The following SMAD9 variants were observed in gnomAD, a reference collection of about 807,000 sequenced individuals.
The protein encoded by SMAD9 is SMAD family member 9.
Under a neutral mutation model 46.1 loss-of-function variants are expected in SMAD9, and 36 were observed. The ratio of observed to expected loss-of-function variants is 0.78; its 90% confidence interval spans 0.60 to 1.03. The LOEUF (loss-of-function observed/expected upper bound fraction) is 1.03. SMAD9 is among the 50% of genes least tolerant of loss of function. The pLI is 0.00. For missense variants in SMAD9, 572 were observed against 599.8 expected (o/e 0.95, Z 0.48); for synonymous variants, 245 against 237.1 (o/e 1.03, Z -0.31).
Position 36,920,184 on chromosome 13 carries a change from AGCAGCGGCGGCGGCG to A in SMAD9, c.-270_-256del, listed in dbSNP as rs1208932867. ...CGGCGGGGACCGAGACAGCGGCTGCAGCAGCGGCGGCGGCGGCGGCGGCGGCGGCGGCCCCAGCCG... is the reference window on the plus strand; with the variant it reads ...CGGCGGGGACCGAGACAGCGGCTGCAGCGGCGGCGGCGGCGGCCCCAGCCG... On this transcript the variant is annotated 5_prime_UTR_variant, in exon 1 of 7. Coordinates refer to ENST00000379826, the MANE Select transcript of SMAD9 (RefSeq NM_001127217.3). The A allele has an allele frequency of 4.8e-3, 349 of 73,142 alleles. 2 individuals carry two copies. Among genetic ancestry groups the A allele is most frequent in the African/African-American group, 0.01 (329 of 31,608 alleles). The allele number at this position is 73,142 out of a possible 1,614,324, so 4.5% of individuals were successfully genotyped here. A position where few individuals can be genotyped will look rare whatever the true frequency, so the allele number is the denominator to read the frequency against.
At chr13:36,857,670 T>C (rs928227629) in intron 5 of SMAD9, among the ~76,000 whole-genome samples, 7 of 152,098 alleles carry the variant, frequency 4.6e-5, no homozygotes, top group African/African-American at 1.7e-4. Flanking sequence ...GGTGAGAGTG[T>C]GCCAATCTCT....
intron 5 of SMAD9, among the ~76,000 whole-genome samples, chr13:36,863,511 A>G (rs920936893): frequency 1.3e-5 from 2 of 152,174 alleles, no homozygotes; most frequent in African/African-American, 2.4e-5. Context: ...AGCTACTGAT[A>G]TAATTGGGAT....
At chr13:36,856,993 G>C (rs1285794482) in intron 5 of SMAD9, among the ~76,000 whole-genome samples, 1 of 151,826 alleles carries the variant, frequency 6.6e-6, no homozygotes, top group East Asian at 1.9e-4. Flanking sequence ...TAGTAGAGAT[G>C]GTGTTTTGCC....
chr13:36,905,502 TC>T (rs1281793614), intron 1 of SMAD9, among the ~76,000 whole-genome samples: 1 of 152,016 alleles, frequency 6.6e-6, no homozygotes, highest in Non-Finnish European at 1.5e-5. Flanking sequence ...ACACCTGTAA[TC>T]CCAGCACTTT....
At chr13:36,860,234 A>T (rs2058167648) in intron 5 of SMAD9, among the ~76,000 whole-genome samples, 1 of 152,182 alleles carries the variant, frequency 6.6e-6, no homozygotes, top group African/African-American at 2.4e-5. Flanking sequence ...CCTTTCATAA[A>T]ACAAGAAGAA....
intron 1 of SMAD9, among the ~76,000 whole-genome samples, chr13:36,893,671 TAGA>T (rs1008734243): frequency 2.0e-4 from 30 of 151,828 alleles, no homozygotes; most frequent in Admixed American, 4.6e-4. Flanking sequence ...CAGCAGAGCC[TAGA>T]AGATGACATA....
intron 5 of SMAD9, among the ~76,000 whole-genome samples, chr13:36,858,910 C>A (rs928600338): frequency 6.6e-6 from 1 of 152,154 alleles, no homozygotes; most frequent in Non-Finnish European, 1.5e-5. Context: ...CAGGGTCTCA[C>A]CATGTTGCCC....
At chr13:36,876,176 C>CA (rs2058343814) in intron 2 of SMAD9, among the ~76,000 whole-genome samples, 1 of 149,328 alleles carries the variant, frequency 6.7e-6, no homozygotes, top group Non-Finnish European at 1.5e-5. Flanking sequence ...ATCTCAGTGT[C>CA]ACACGGGGGG....
intron 3 of SMAD9, 127 bp from the exon 4 acceptor site, chr13:36,867,510 T>C (rs765918968): frequency 6.9e-6 from 4 of 577,530 alleles, no homozygotes; most frequent in Middle Eastern, 2.7e-4. Context: ...AGAGAGACCA[T>C]ATTAATGTAA....
intron 2 of SMAD9, among the ~76,000 whole-genome samples, chr13:36,876,606 G>A (rs768167701): frequency 1.3e-5 from 2 of 152,116 alleles, no homozygotes; most frequent in Non-Finnish European, 2.9e-5. Context: ...CTATAAAAGT[G>A]TTCGTTTGAA....
intron 1 of SMAD9, among the ~76,000 whole-genome samples, chr13:36,912,455 A>G (rs528978624): frequency 6.6e-6 from 1 of 152,268 alleles, no homozygotes; most frequent in East Asian, 1.9e-4. Context: ...ATCTAAACAT[A>G]TTATTATCAG....
intron 1 of SMAD9, among the ~76,000 whole-genome samples, chr13:36,894,225 T>C (rs893422285): frequency 7.9e-5 from 12 of 152,126 alleles, no homozygotes; most frequent in Non-Finnish European, 1.2e-4. Flanking sequence ...TTCCCACATG[T>C]TGTGAGAGGG....
intron 6 of SMAD9, among the ~76,000 whole-genome samples, chr13:36,852,999 G>A (rs947330421): frequency 1.3e-5 from 2 of 152,162 alleles, no homozygotes; most frequent in Admixed American, 6.6e-5. Flanking sequence ...AAAAAAATTG[G>A]TTTTGGGCTG....
At position 36,879,638 on chromosome 13, in the gene SMAD9, C is replaced by T. The variant is rs1410120138; in HGVS notation, c.52G>A (p.Val18Met). The change falls in exon 2 of 7, where the codon GTG (valine) becomes ATG (methionine). Residue 18 changes from valine to methionine, a missense_variant. Coordinates refer to ENST00000379826, the MANE Select transcript of SMAD9 (RefSeq NM_001127217.3). ...TGCTTCCAGCCTAGCAGTCTCTTCA[C>T]TGCGGGGCTGGTGAAGGAGAAGAGG... Reference protein sequence around the residue: ...SSLFSFTSPAVKRLLGWKQGD... With the variant: ...SSLFSFTSPAMKRLLGWKQGD... The T allele has an allele frequency of 6.2e-7, 1 of 1,614,224 alleles. No individual in the cohort carries two copies. Among genetic ancestry groups the T allele is most frequent in the Non-Finnish European group, 8.5e-7 (1 of 1,180,024 alleles).
In SMAD9 at chr13:36,853,303, T is replaced by A. The variant is rs565076985; in HGVS notation, c.1260+116A>T. The A allele has an allele frequency of 6.7e-5, 62 of 926,274 alleles. 1 individual carries two copies. The highest frequency in any genetic ancestry group is 3.3e-4 in the South Asian group (24 of 72,740). The allele number at this position is 926,274 out of a possible 1,614,324, so 57.4% of individuals were successfully genotyped here. A position where few individuals can be genotyped will look rare whatever the true frequency, so the allele number is the denominator to read the frequency against. ...CCGTCTCAAAAAATAATAATAATAATAAATTGGTTTTGTCTATCAGAATTG... is the reference window on the plus strand; with the variant it reads ...CCGTCTCAAAAAATAATAATAATAAAAAATTGGTTTTGTCTATCAGAATTG... On this transcript the variant is annotated intron_variant, in intron 6 of 6. Transcript: ENST00000379826.
chr13:36,900,401 C>T (rs1472344659), intron 1 of SMAD9, among the ~76,000 whole-genome samples: 1 of 152,044 alleles, frequency 6.6e-6, no homozygotes, highest in African/African-American at 2.4e-5. Context: ...CTGCCTCAGC[C>T]TCCTGAGTAG....
intron 1 of SMAD9, among the ~76,000 whole-genome samples, chr13:36,905,480 A>G (rs2058611248): frequency 6.6e-6 from 1 of 152,224 alleles, no homozygotes; most frequent in East Asian, 1.9e-4. Context: ...TTCCGGCCAG[A>G]CACGGTGGCT....
intron 1 of SMAD9, among the ~76,000 whole-genome samples, chr13:36,910,196 C>CAA (rs367794803): frequency 4.7e-4 from 56 of 119,262 alleles, no homozygotes; most frequent in Middle Eastern, 4.6e-3. Context: ...GACTCCGTCT[C>CAA]AAAAAAAAAA....
At chr13:36,897,497 T>A (rs2058538170) in intron 1 of SMAD9, among the ~76,000 whole-genome samples, 1 of 152,130 alleles carries the variant, frequency 6.6e-6, no homozygotes, top group Non-Finnish European at 1.5e-5. Flanking sequence ...CAAGAGACTC[T>A]CCCACAGTAC....
Sources: allele counts gnomAD v4.1 joint callset (sites outside exome capture counted in the v4.1 genomes callset), GRCh38; gene constraint gnomAD v4.1.1; transcripts MANE v1.5; gene names NCBI Gene and HGNC (gene_info 2026-07-23, HGNC 2026-07-21).